GPR19: variants seen among roughly 807,000 people sequenced by gnomAD.
GPR19 encodes probable G protein-coupled receptor 19.
Under a neutral mutation model 28.5 loss-of-function variants are expected in GPR19, and 14 were observed. The observed-to-expected ratio is 0.49, with a 90% CI of 0.32 to 0.77. The LOEUF (loss-of-function observed/expected upper bound fraction) is 0.77, where lower values mean the gene tolerates loss of function less well. GPR19 is among the 30% of genes least tolerant of loss of function. The probability of loss-of-function intolerance (pLI) is 0.03; values close to 1 mark genes in which losing one functional copy is unlikely to be tolerated. For missense variants in GPR19, 409 were observed against 504.1 expected, an observed-to-expected ratio of 0.81 and a Z score of 1.81; for synonymous variants, 173 against 184.1, an observed-to-expected ratio of 0.94 and a Z score of 0.49.
chr12:12,707,372 G>A, the GPR19 span, among the ~76,000 whole-genome samples: 1 of 152,206 alleles, frequency 6.6e-6, no homozygotes, highest in South Asian at 2.1e-4. Flanking sequence ...TCCATTGTCT[G>A]TCTTCCACAC....
At chr12:12,664,510 G>T (rs939683067) in intron 3 of GPR19, among the ~76,000 whole-genome samples, 1 of 151,870 alleles carries the variant, frequency 6.6e-6, no homozygotes, top group African/African-American at 2.4e-5. Context: ...TAAAAAAAAA[G>T]TTTTTGCTCA....
the GPR19 span, chr12:12,703,444 G>C: frequency 3.0e-6 from 3 of 984,922 alleles, no homozygotes; most frequent in Non-Finnish European, 3.6e-6. Context: ...GACCTTGAAA[G>C]GTTCGCAGGT....
chr12:12,714,366 G>A, the GPR19 span, among the ~76,000 whole-genome samples: 7 of 152,328 alleles, frequency 4.6e-5, no homozygotes, highest in African/African-American at 1.7e-4. Context: ...TGCAGAACTT[G>A]GGTGAGAGCG....
chr12:12,706,805 T>C, the GPR19 span, among the ~76,000 whole-genome samples: 1 of 151,250 alleles, frequency 6.6e-6, no homozygotes, highest in African/African-American at 2.4e-5. Flanking sequence ...TCATGTACAC[T>C]GCTACCACCC....
At chr12:12,713,057 C>CTTTTTTTTT in the GPR19 span, among the ~76,000 whole-genome samples, 1 of 108,088 alleles carries the variant, frequency 9.3e-6, no homozygotes, top group Non-Finnish European at 1.8e-5. Flanking sequence ...ATCTGATGCG[C>CTTTTTTTTT]TTTTTTTTTT....
intron 2 of GPR19, among the ~76,000 whole-genome samples, chr12:12,693,953 C>G (rs6488545): frequency 0.93 from 140,809 of 152,042 alleles, 66,127 homozygotes; most frequent in East Asian, 1. Flanking sequence ...CCCCCGCCTC[C>G]GCCTCCCAAA....
At chr12:12,671,932 C>T (rs765938348) in intron 3 of GPR19, among the ~76,000 whole-genome samples, 14 of 151,792 alleles carry the variant, frequency 9.2e-5, no homozygotes, top group African/African-American at 2.7e-4. Flanking sequence ...CTGAAATCTA[C>T]GATTAGTGAA....
At chr12:12,670,181 A>G (rs1209146314) in intron 3 of GPR19, among the ~76,000 whole-genome samples, 2 of 152,250 alleles carry the variant, frequency 1.3e-5, no homozygotes, top group Non-Finnish European at 2.9e-5. Flanking sequence ...GATAAAATAC[A>G]GGATGCCCAG....
At chr12:12,697,153 TAAAAAA>T (rs386375639), upstream of GPR19, among the ~76,000 whole-genome samples, 14 of 48,846 alleles carry the variant, frequency 2.9e-4, no homozygotes, top group Admixed American at 7.7e-4. Context: ...TGAAGCGAAG[TAAAAAA>T]AAAAAAAAAA....
At chr12:12,713,138 C>T in the GPR19 span, among the ~76,000 whole-genome samples, 1 of 148,920 alleles carries the variant, frequency 6.7e-6, no homozygotes, top group Non-Finnish European at 1.5e-5. Context: ...GATCTTGGCT[C>T]ACTATAACCT....
the GPR19 span, among the ~76,000 whole-genome samples, chr12:12,703,984 C>A: frequency 6.6e-6 from 1 of 152,122 alleles, no homozygotes; most frequent in Non-Finnish European, 1.5e-5. Context: ...TATCTGAAGT[C>A]AAAGTGAGTA....
At chr12:12,666,214 C>A (rs904930199) in intron 3 of GPR19, among the ~76,000 whole-genome samples, 3 of 152,140 alleles carry the variant, frequency 2.0e-5, no homozygotes, top group African/African-American at 7.2e-5. Context: ...TTTCTAAATG[C>A]CCTACAATCA....
At chr12:12,664,195 G>A (rs991380653) in intron 3 of GPR19, among the ~76,000 whole-genome samples, 16 of 152,094 alleles carry the variant, frequency 1.1e-4, no homozygotes, top group Non-Finnish European at 1.8e-4. Context: ...TCCCCACGTT[G>A]GCCAGGCTGG....
chr12:12,663,209 A>G (rs1945706539), intron 3 of GPR19, among the ~76,000 whole-genome samples: 1 of 152,258 alleles, frequency 6.6e-6, no homozygotes, highest in Non-Finnish European at 1.5e-5. Flanking sequence ...GTTTCATAAA[A>G]TACTGACTGA....
chr12:12,683,375 A>G (rs1812779181), intron 3 of GPR19, among the ~76,000 whole-genome samples: 1 of 152,252 alleles, frequency 6.6e-6, no homozygotes, highest in African/African-American at 2.4e-5. Context: ...AGCCAAATTG[A>G]CTGCTGACAT....
chr12:12,714,657 T>C, the GPR19 span, among the ~76,000 whole-genome samples: 27 of 152,220 alleles, frequency 1.8e-4, no homozygotes, highest in Admixed American at 4.6e-4. Flanking sequence ...TTTACCAGGG[T>C]CCACCTTTAA....
At chr12:12,706,717 C>T in the GPR19 span, among the ~76,000 whole-genome samples, 1 of 152,206 alleles carries the variant, frequency 6.6e-6, no homozygotes, top group Non-Finnish European at 1.5e-5. Flanking sequence ...CTCACACACA[C>T]AGACCATTTC....
chr12:12,670,884 C>T (rs1373011904), intron 3 of GPR19, among the ~76,000 whole-genome samples: 1 of 152,096 alleles, frequency 6.6e-6, no homozygotes, highest in Non-Finnish European at 1.5e-5. Flanking sequence ...AACACATTTT[C>T]TCCAAGTTGT....
At chr12:12,703,737 G>A in the GPR19 span, among the ~76,000 whole-genome samples, 3 of 152,142 alleles carry the variant, frequency 2.0e-5, no homozygotes, top group South Asian at 2.1e-4. Flanking sequence ...CAGTGGCTTG[G>A]AGTTGGAGTA....
Sources: allele counts gnomAD v4.1 joint callset (sites outside exome capture counted in the v4.1 genomes callset), GRCh38; gene constraint gnomAD v4.1.1; transcripts MANE v1.5; gene names NCBI Gene and HGNC (gene_info 2026-07-23, HGNC 2026-07-21).